GTF2E1: variants seen among roughly 807,000 people sequenced by gnomAD.
GTF2E1 encodes the protein general transcription factor IIE subunit 1, also known as TFIIE alpha subunit.
GTF2E1 carries 14 observed loss-of-function variants against 34.9 expected under a neutral mutation model. That is an observed-to-expected ratio of 0.40 (90% CI 0.27 to 0.63). The LOEUF is 0.63. Ranked by LOEUF, GTF2E1 falls within the 20% of genes least tolerant of loss-of-function variation. The pLI is 0.39. For missense variants in GTF2E1, 469 were observed against 557.7 expected (o/e 0.84, Z 1.60); for synonymous variants, 188 against 192.9 (o/e 0.97, Z 0.21).
intron 2 of GTF2E1, among the ~76,000 whole-genome samples, chr3:120,769,905 A>T (rs535591345): frequency 6.6e-5 from 10 of 152,284 alleles, no homozygotes; most frequent in African/African-American, 2.4e-4. Context: ...TTTACATGCT[A>T]TTGGCTATGT....
At chr3:120,768,067 A>G (rs1709323385) in intron 2 of GTF2E1, among the ~76,000 whole-genome samples, 1 of 152,144 alleles carries the variant, frequency 6.6e-6, no homozygotes, top group South Asian at 2.1e-4. Context: ...GAAATGGGGT[A>G]TTTGGGAGGA....
chr3:120,743,222 G>A (rs1338228612), intron 1 of GTF2E1, among the ~76,000 whole-genome samples: 1 of 152,224 alleles, frequency 6.6e-6, no homozygotes, highest in African/African-American at 2.4e-5. Context: ...TAGAACTGGA[G>A]TGGCGATTTA....
intron 3 of GTF2E1, among the ~76,000 whole-genome samples, chr3:120,773,137 C>T (rs1222177179): frequency 3.4e-5 from 5 of 146,100 alleles, no homozygotes; most frequent in Admixed American, 2.7e-4. Context: ...AAAATCATTT[C>T]CACGTGGTCA....
intron 2 of GTF2E1, among the ~76,000 whole-genome samples, chr3:120,765,811 T>C (rs1467924734): frequency 2.0e-5 from 3 of 152,228 alleles, no homozygotes; most frequent in Admixed American, 6.5e-5. Flanking sequence ...AAATGTGTTA[T>C]AGAACTCCTT....
chr3:120,768,684 G>A (rs1240016316), intron 2 of GTF2E1, among the ~76,000 whole-genome samples: 1 of 152,066 alleles, frequency 6.6e-6, no homozygotes, highest in Admixed American at 6.6e-5. Context: ...GCAGGTATTC[G>A]AGAGCTATAT....
intron 4 of GTF2E1, among the ~76,000 whole-genome samples, chr3:120,777,067 A>G (rs1014914156): frequency 5.9e-5 from 9 of 152,132 alleles, no homozygotes; most frequent in Non-Finnish European, 7.4e-5. Context: ...TTTTCTCTTC[A>G]TAAATACCAA....
chr3:120,766,720 G>A (rs1709312571), intron 2 of GTF2E1, among the ~76,000 whole-genome samples: 1 of 151,766 alleles, frequency 6.6e-6, no homozygotes, highest in Non-Finnish European at 1.5e-5. Context: ...TTTATTTTTT[G>A]CACTGATCCC....
At chr3:120,779,905 A>G (rs1032270954) in intron 4 of GTF2E1, among the ~76,000 whole-genome samples, 1 of 152,186 alleles carries the variant, frequency 6.6e-6, no homozygotes, top group East Asian at 1.9e-4. Flanking sequence ...TAATCTTTTT[A>G]TGTATTTTAA....
At chr3:120,768,787 G>T (rs1318332565) in intron 2 of GTF2E1, among the ~76,000 whole-genome samples, 1 of 152,190 alleles carries the variant, frequency 6.6e-6, no homozygotes, top group Admixed American at 6.5e-5. Flanking sequence ...GCTTGGAACA[G>T]TTGGAGAATA....
At chr3:120,763,980 T>G (rs921180458) in intron 2 of GTF2E1, among the ~76,000 whole-genome samples, 1 of 152,216 alleles carries the variant, frequency 6.6e-6, no homozygotes, top group Non-Finnish European at 1.5e-5. Context: ...TATTCCCATG[T>G]TCACAGCAGC....
At chr3:120,757,460 A>T (rs926516239) in intron 2 of GTF2E1, among the ~76,000 whole-genome samples, 21 of 151,188 alleles carry the variant, frequency 1.4e-4, no homozygotes, top group African/African-American at 4.1e-4. Context: ...TGCAGTGTTA[A>T]GTGTTCTGTG....
chr3:120,781,714 TC>T lies in GTF2E1; in HGVS notation c.*245del. ...ATTAATATTTTACTGTATTTTCTTT[TC>T]TTTTTTTTTTTTTTTTGGAGATGAA... On this transcript the variant is annotated 3_prime_UTR_variant, in exon 5 of 5. Transcript: ENST00000283875. The T allele has an allele frequency of 5.4e-6, 2 of 367,474 alleles. No homozygotes were observed. Among genetic ancestry groups the T allele is most frequent in the East Asian group, 4.8e-5 (1 of 20,628 alleles). 22.8% of individuals were successfully genotyped at this position (367,474 alleles called of 1,614,324 possible).
intron 1 of GTF2E1, among the ~76,000 whole-genome samples, chr3:120,744,811 A>G (rs573118725): frequency 2.7e-4 from 41 of 152,240 alleles, no homozygotes; most frequent in African/African-American, 9.4e-4. Context: ...TAGGGGATTT[A>G]TTATGAATGC....
chr3:120,771,874 C>G (rs932439985), intron 3 of GTF2E1, among the ~76,000 whole-genome samples: 4 of 152,146 alleles, frequency 2.6e-5, no homozygotes, highest in Non-Finnish European at 5.9e-5. Flanking sequence ...ATATCCAGCT[C>G]TAGTTGGAAT....
chr3:120,778,790 T>A (rs1013751135), intron 4 of GTF2E1, among the ~76,000 whole-genome samples: 1 of 152,194 alleles, frequency 6.6e-6, no homozygotes, highest in Non-Finnish European at 1.5e-5. Flanking sequence ...GAGGTACTTT[T>A]TAGGTTCTTC....
chr3:120,750,434 T>G lies in GTF2E1; in HGVS notation c.-30-89T>G, dbSNP rs72962654. On this transcript the variant is annotated intron_variant, in intron 1 of 4. Transcript: ENST00000283875. ...AGGTATTAGAAATCTTTTTAAACACTTTGGGTACTTTTCTGGCACTGCAAG... is the reference window on the plus strand; with the variant it reads ...AGGTATTAGAAATCTTTTTAAACACGTTGGGTACTTTTCTGGCACTGCAAG... 5.2e-3 allele frequency: 3,944 copies of G among 751,534 alleles called. 113 individuals are homozygous for G. The African/African-American group carries it at 0.062, about 12-fold the overall frequency. The allele number at this position is 751,534 out of a possible 1,614,324, so 46.6% of individuals were successfully genotyped here.
In GTF2E1 at chr3:120,781,185, A is replaced by G; in HGVS notation, c.1035A>G (p.Pro345=). Residue 345 remains proline (P), a synonymous_variant, in exon 5 of 5, where the codon CCA becomes CCG. Coordinates refer to ENST00000283875, the MANE Select transcript of GTF2E1 (RefSeq NM_005513.3). ...CTGGTTCAGTGGGGGCAGCTGCTCC[A>G]GTGACCGCTGCCAATGGCAGTGACT... is the stretch of plus-strand genomic sequence containing the variant. The part of the protein sequence containing the change: ...AMAGSVGAAA[P]VTAANGSDSE... 1 of 1,614,152 alleles carries G rather than the reference A, an allele frequency of 6.2e-7. No individual in the cohort carries two copies. The highest frequency in any genetic ancestry group is 8.5e-7 in the Non-Finnish European group (1 of 1,180,002).
At chr3:120,766,248 G>A (rs962357860) in intron 2 of GTF2E1, among the ~76,000 whole-genome samples, 3 of 152,080 alleles carry the variant, frequency 2.0e-5, no homozygotes, top group African/African-American at 4.8e-5. Context: ...AATTCCACTG[G>A]GGATTTTTAT....
In GTF2E1 at chr3:120,776,607, A is replaced by G. The variant is rs1464776557; in HGVS notation, c.835A>G (p.Ile279Val). The change falls in exon 4 of 5, where the codon ATT becomes GTT. Residue 279 changes from isoleucine (I) to valine (V), a missense_variant. By Grantham distance (29) the Ile-to-Val change is conservative. Coordinates refer to ENST00000283875, the MANE Select transcript of GTF2E1 (RefSeq NM_005513.3). ...AGGGAAATCTGCCAAAGAGAGGCCT[A>G]TTTGGTTGAGAGAAAGCACTGTCCA... The part of the protein sequence containing the change: ...LEGKSAKERP[I>V]WLRESTVQGA... 1 of 1,612,766 alleles carries G rather than the reference A, an allele frequency of 6.2e-7. No individual in the cohort carries two copies. Among genetic ancestry groups the G allele is most frequent in the Non-Finnish European group, 8.5e-7 (1 of 1,178,778 alleles).
Sources: gnomAD v4.1 joint callset for allele counts (sites outside exome capture counted in the v4.1 genomes callset) on GRCh38, gnomAD v4.1.1 for gene constraint, MANE v1.5 for transcripts, NCBI Gene and HGNC (gene_info 2026-07-23, HGNC 2026-07-21) for gene names.